The following FRMD4A variants were observed in gnomAD, a reference collection of about 807,000 sequenced individuals.
The protein encoded by FRMD4A is FERM domain containing 4A.
A neutral mutation model predicts 129.1 loss-of-function variants in FRMD4A; 29 were observed. The observed-to-expected ratio is 0.22, with a 90% CI of 0.17 to 0.31. The LOEUF is 0.31. FRMD4A is among the 10% of genes least tolerant of loss of function. The pLI is 1.00. For synonymous variants in FRMD4A, 634 were observed against 571.6 expected (o/e 1.11, Z -1.56); for missense variants, 1,272 against 1,375.8 (o/e 0.92, Z 1.19).
At chr10:14,015,969 C>T (rs1377280027) in intron 2 of FRMD4A, among the ~76,000 whole-genome samples, 1 of 152,254 alleles carries the variant, frequency 6.6e-6, no homozygotes, top group Non-Finnish European at 1.5e-5. Context: ...CCTCCCTCTT[C>T]TGTGTCACTA....
intron 17 of FRMD4A, among the ~76,000 whole-genome samples, chr10:13,669,237 T>C (rs1163446684): frequency 5.3e-5 from 8 of 152,130 alleles, no homozygotes; most frequent in Admixed American, 5.2e-4. Context: ...TGTCTGTATC[T>C]TTTTGGTAGA....
At chr10:14,210,732 C>G (rs989721189) in intron 2 of FRMD4A, among the ~76,000 whole-genome samples, 4 of 152,014 alleles carry the variant, frequency 2.6e-5, no homozygotes, top group East Asian at 1.9e-4. Context: ...TTGTTTGTTT[C>G]TTTGTTTGTT....
chr10:14,301,496 T>C (rs1427918504), intron 2 of FRMD4A, among the ~76,000 whole-genome samples: 2 of 152,188 alleles, frequency 1.3e-5, no homozygotes, highest in Admixed American at 6.5e-5. Flanking sequence ...ACTTTTGACA[T>C]TACACCTGTT....
intron 2 of FRMD4A, among the ~76,000 whole-genome samples, chr10:13,988,559 T>C (rs566672768): frequency 2.6e-5 from 4 of 152,254 alleles, no homozygotes; most frequent in Middle Eastern, 3.4e-3. Context: ...AATTAATGGA[T>C]GGATGGATGG....
intron 2 of FRMD4A, among the ~76,000 whole-genome samples, chr10:14,033,307 A>G (rs78707445): frequency 2.7e-4 from 1 of 3,706 alleles, no homozygotes; most frequent in Non-Finnish European, 2.0e-3. Flanking sequence ...ACTGTGTCTC[A>G]AAAAAAAAAA....
At chr10:14,303,079 A>C (rs1846237469) in intron 2 of FRMD4A, among the ~76,000 whole-genome samples, 1 of 152,218 alleles carries the variant, frequency 6.6e-6, no homozygotes, top group Non-Finnish European at 1.5e-5. Flanking sequence ...TCCTGGCCTC[A>C]GCTGCATGGT....
chr10:13,841,676 T>C (rs2093968195), intron 3 of FRMD4A, among the ~76,000 whole-genome samples: 1 of 152,220 alleles, frequency 6.6e-6, no homozygotes, highest in Admixed American at 6.5e-5. Context: ...ATTCTGCATG[T>C]GGGACCCTCC....
chr10:13,699,221 A>ATTGTT (rs2086548684), intron 14 of FRMD4A, among the ~76,000 whole-genome samples: 3 of 63,316 alleles, frequency 4.7e-5, no homozygotes, highest in African/African-American at 1.7e-4. Context: ...ATGCTTGGTT[A>ATTGTT]TTGTTTTTTT....
At chr10:14,029,567 A>G (rs1236383307) in intron 2 of FRMD4A, among the ~76,000 whole-genome samples, 1 of 152,222 alleles carries the variant, frequency 6.6e-6, no homozygotes, top group Non-Finnish European at 1.5e-5. Context: ...AACCTAGAGC[A>G]GTGGTTTTCT....
chr10:13,950,323 A>G (rs2095362723), intron 2 of FRMD4A, among the ~76,000 whole-genome samples: 1 of 152,242 alleles, frequency 6.6e-6, no homozygotes, highest in African/African-American at 2.4e-5. Context: ...GTAACTCAAG[A>G]CTGGTTTTAA....
Position 13,701,128 on chromosome 10 carries a change from T to A in FRMD4A, c.975+212A>T, listed in dbSNP as rs149715621. 2.2e-4 allele frequency among the ~76,000 whole-genome samples: 33 copies of A among 152,190 alleles called. 1 individual carries two copies. In the East Asian group the frequency reaches 6.2e-3, roughly 29 times the overall value. ...GCGGCTTGAGCGGCTCTGATGGTGG[T>A]CAGAGCCCCCTGGACCAAGATGCAT... On this transcript the variant is annotated intron_variant, in intron 14 of 24. Coordinates refer to ENST00000357447, the MANE Select transcript of FRMD4A (RefSeq NM_018027.5).
chr10:13,787,615 C>T (rs1588716097), intron 5 of FRMD4A, among the ~76,000 whole-genome samples: 1 of 152,068 alleles, frequency 6.6e-6, no homozygotes, highest in East Asian at 1.9e-4. Flanking sequence ...TATAAGCCAC[C>T]ATGCTGACTA....
intron 21 of FRMD4A, among the ~76,000 whole-genome samples, chr10:13,657,885 G>A (rs2082310019): frequency 1.3e-5 from 2 of 150,942 alleles, no homozygotes; most frequent in South Asian, 2.1e-4. Flanking sequence ...TGTGGTCCAC[G>A]CCTGTAATCC....
intron 2 of FRMD4A, among the ~76,000 whole-genome samples, chr10:13,959,228 C>T (rs2095430254): frequency 6.6e-6 from 1 of 152,060 alleles, no homozygotes; most frequent in South Asian, 2.1e-4. Flanking sequence ...AATCTCAGCA[C>T]TTTGGGAGGC....
chr10:14,166,971 C>A (rs1052010574), intron 2 of FRMD4A, among the ~76,000 whole-genome samples: 3 of 152,056 alleles, frequency 2.0e-5, no homozygotes, highest in African/African-American at 7.2e-5. Flanking sequence ...AAAGGATGAA[C>A]AACATACAAT....
At chr10:13,721,705 C>T (rs752875473) in intron 12 of FRMD4A, among the ~76,000 whole-genome samples, 8 of 152,186 alleles carry the variant, frequency 5.3e-5, no homozygotes, top group Non-Finnish European at 8.8e-5. Context: ...GCTGGGGCAG[C>T]GGCACCTCAG....
At chr10:13,964,083 G>A (rs2095466567) in intron 2 of FRMD4A, among the ~76,000 whole-genome samples, 2 of 151,686 alleles carry the variant, frequency 1.3e-5, no homozygotes, top group South Asian at 4.2e-4. Context: ...GAACCAGAGA[G>A]GAGAGGACCA....
chr10:13,725,737 A>T (rs2089843828), intron 12 of FRMD4A, among the ~76,000 whole-genome samples: 1 of 152,216 alleles, frequency 6.6e-6, no homozygotes, highest in African/African-American at 2.4e-5. Context: ...ACCAACAAAA[A>T]AATAACCCTC....
intron 2 of FRMD4A, among the ~76,000 whole-genome samples, chr10:13,981,671 G>A (rs533752851): frequency 7.6e-4 from 114 of 150,968 alleles, no homozygotes; most frequent in South Asian, 1.1e-3. Context: ...CTCCGGAGGC[G>A]GAGGTTGTAG....
Sources: allele counts gnomAD v4.1 joint callset (sites outside exome capture counted in the v4.1 genomes callset), GRCh38; gene constraint gnomAD v4.1.1; transcripts MANE v1.5; gene names NCBI Gene and HGNC (gene_info 2026-07-23, HGNC 2026-07-21).